The following SCYL2 variants were observed in gnomAD, a reference collection of about 807,000 sequenced individuals.
SCYL2 encodes SCY1-like protein 2.
A neutral mutation model predicts 100.4 loss-of-function variants in SCYL2; 36 were observed. That is an observed-to-expected ratio of 0.36 (90% CI 0.27 to 0.47). SCYL2 has a LOEUF of 0.47. SCYL2 is among the 20% of genes least tolerant of loss of function. The probability of loss-of-function intolerance (pLI) is 1.00; values close to 1 mark genes in which losing one functional copy is unlikely to be tolerated. For missense variants in SCYL2, 902 were observed against 1,083.9 expected, an observed-to-expected ratio of 0.83 and a Z score of 2.36; for synonymous variants, 330 against 359.2, an observed-to-expected ratio of 0.92 and a Z score of 0.92.
intron 13 of SCYL2, 63 bp downstream of exon 13, chr12:100,329,382 A>G: frequency 6.7e-6 from 5 of 743,108 alleles, no homozygotes; most frequent in Non-Finnish European, 1.2e-5. Context: ...CATTAGATAT[A>G]TAAATATATT....
At chr12:100,318,453 C>T (rs1394327390) in intron 10 of SCYL2, among the ~76,000 whole-genome samples, 2 of 151,682 alleles carry the variant, frequency 1.3e-5, no homozygotes, top group South Asian at 2.1e-4. Flanking sequence ...GCCTCAGCCT[C>T]CCTAGTAGCT....
chr12:100,325,846 A>G (rs888776107), intron 11 of SCYL2, among the ~76,000 whole-genome samples: 2 of 152,134 alleles, frequency 1.3e-5, no homozygotes, highest in African/African-American at 4.8e-5. Flanking sequence ...AATTTATAAT[A>G]TCTCTTGTGT....
intron 3 of SCYL2, among the ~76,000 whole-genome samples, chr12:100,293,181 TC>T (rs2096312565): frequency 6.6e-6 from 1 of 152,034 alleles, no homozygotes; most frequent in Admixed American, 6.6e-5. Context: ...TGCCTTGGAC[TC>T]CCGAGCTTGT....
At chr12:100,274,625 C>A (rs1167081499) in intron 1 of SCYL2, among the ~76,000 whole-genome samples, 4 of 152,146 alleles carry the variant, frequency 2.6e-5, no homozygotes, top group Non-Finnish European at 5.9e-5. Flanking sequence ...CCCCCTCCTC[C>A]CACAAAATTT....
chr12:100,333,130 T>A (rs1341223332), intron 13 of SCYL2, among the ~76,000 whole-genome samples: 1 of 152,104 alleles, frequency 6.6e-6, no homozygotes, highest in Non-Finnish European at 1.5e-5. Context: ...TGTGTTAGTA[T>A]ACTTCAATAA....
chr12:100,285,758 C>T (rs2096303825), intron 2 of SCYL2, among the ~76,000 whole-genome samples: 1 of 152,124 alleles, frequency 6.6e-6, no homozygotes, highest in South Asian at 2.1e-4. Flanking sequence ...TTCATGTTTT[C>T]AGGCTTAAAA....
chr12:100,270,010 G>A (rs1188727762), intron 1 of SCYL2, among the ~76,000 whole-genome samples: 3 of 149,416 alleles, frequency 2.0e-5, no homozygotes, highest in South Asian at 2.1e-4. Context: ...TTTGTGAGAC[G>A]GAGTGTCACT....
intron 13 of SCYL2, among the ~76,000 whole-genome samples, chr12:100,330,833 T>TG (rs1952200310): frequency 6.7e-6 from 1 of 148,590 alleles, no homozygotes; most frequent in South Asian, 2.1e-4. Context: ...TTTTTTTCTT[T>TG]TTTTTTTTTT....
Position 100,334,198 on chromosome 12 carries a change from G to A in SCYL2, c.1794G>A (p.Met598Ile). The A allele has an allele frequency of 1.9e-6, 3 of 1,603,666 alleles. No individual in the cohort carries two copies. Among genetic ancestry groups the A allele is most frequent in the Non-Finnish European group, 2.6e-6 (3 of 1,173,874 alleles). ...FNSFISVIKE[M>I]LNRLESEHKT... ...CTTTCATTTCCGTCATAAAAGAAAT[G>A]CTTAATAGATTGGAGTCTGAACATA... The change falls in exon 14 of 18, where the codon ATG becomes ATA. Residue 598 changes from methionine (M) to isoleucine (I), a missense_variant. Transcript: ENST00000360820.
intron 2 of SCYL2, among the ~76,000 whole-genome samples, chr12:100,285,392 T>C (rs532017404): frequency 6.6e-5 from 10 of 152,378 alleles, no homozygotes; most frequent in Middle Eastern, 6.8e-3. Context: ...TGATAGAGTA[T>C]AGCTGTAGAC....
At position 100,317,835 on chromosome 12, in the gene SCYL2, G is replaced by A. The variant is rs1274660527; in HGVS notation, c.1305G>A (p.Leu435=). 1 of 1,604,668 alleles carries A rather than the reference G, an allele frequency of 6.2e-7. No homozygotes were observed. Among genetic ancestry groups the A allele is most frequent in the Non-Finnish European group, 8.5e-7 (1 of 1,178,116 alleles). The change falls in exon 10 of 18, where the codon TTG becomes TTA. Residue 435 remains leucine (L), a synonymous_variant. Transcript: ENST00000360820. ...TAATTTTCCTACAAAAAATGGATTT[G>A]CTACTAACCAAAACCCCTCCTGATG... The part of the protein sequence containing the change: ...ILLIFLQKMD[L]LLTKTPPDEI...
rs2135943912 is a variant in SCYL2 at position 100,335,886 on chromosome 12, T to G, written c.2005T>G (p.Leu669Val). Reference protein sequence around the residue: ...GSESENKEDGLQNKHKRASLT... With the variant: ...GSESENKEDGVQNKHKRASLT... ...TGAGTCCGAAAATAAAGAGGACGGGTTACAGAATAAACATAAAAGAGTGAG... is the reference window on the plus strand; with the variant it reads ...TGAGTCCGAAAATAAAGAGGACGGGGTACAGAATAAACATAAAAGAGTGAG... The change falls in exon 16 of 18, where the codon TTA becomes GTA. Residue 669 changes from leucine (L) to valine (V), a missense_variant. Coordinates refer to ENST00000360820, the MANE Select transcript of SCYL2 (RefSeq NM_017988.6). 6.2e-7 allele frequency: 1 copy of G among 1,612,620 alleles called. No individual in the cohort carries two copies. Among genetic ancestry groups the G allele is most frequent in the Middle Eastern group, 1.7e-4 (1 of 6,036 alleles).
intron 3 of SCYL2, among the ~76,000 whole-genome samples, chr12:100,294,821 C>A (rs1252762751): frequency 1.3e-5 from 2 of 148,348 alleles, no homozygotes; most frequent in African/African-American, 2.5e-5. Context: ...CCCTCCCGGA[C>A]GGGGTGGCTG....
Position 100,298,124 on chromosome 12 carries a change from C to T in SCYL2, c.429C>T (p.Asp143=). 1 of 1,602,802 alleles carries T rather than the reference C, an allele frequency of 6.2e-7. No individual in the cohort carries two copies. The highest frequency in any genetic ancestry group is 8.5e-7 in the Non-Finnish European group (1 of 1,172,692). The change falls in exon 4 of 18, where the codon GAC becomes GAT. Residue 143 remains aspartate (D), a synonymous_variant. Transcript: ENST00000360820. ...WENLPSPISP[D]IKDYKLYDVE... is the part of the protein sequence containing the mutation. The stretch of plus-strand genomic sequence containing the variant: ...ATCTACCTTCCCCTATATCTCCAGA[C>T]ATTAAGGATTATAAACTTTATGATG...
rs11110329 is a variant in SCYL2 at position 100,287,578 on chromosome 12, A to G, written c.178-3925A>G. 3.6e-3 allele frequency among the ~76,000 whole-genome samples: 543 copies of G among 152,314 alleles called. 7 individuals carry two copies. The highest frequency in any genetic ancestry group is 0.012 in the African/African-American group (510 of 41,582). The stretch of plus-strand genomic sequence containing the variant: ...TAGCCTTTTTTGTTTAAATTAGGCT[A>G]TTGAGAAAAAATACTTTTTAGTAAG... On this transcript the variant is annotated intron_variant, in intron 2 of 17. Coordinates refer to ENST00000360820, the MANE Select transcript of SCYL2 (RefSeq NM_017988.6).
intron 4 of SCYL2, among the ~76,000 whole-genome samples, chr12:100,301,055 G>GT (rs1202673689): frequency 5.3e-5 from 8 of 152,148 alleles, no homozygotes; most frequent in Non-Finnish European, 1.0e-4. Flanking sequence ...TCAAATTTTA[G>GT]TTTTTTGAAG....
At chr12:100,334,624 CTTCTAGTG>C (rs373355484) in intron 14 of SCYL2, among the ~76,000 whole-genome samples, 1 of 152,018 alleles carries the variant, frequency 6.6e-6, no homozygotes, top group East Asian at 1.9e-4. Flanking sequence ...AATTTATGAA[CTTCTAGTG>C]TTTTGATTTT....
At chr12:100,294,389 C>A (rs2096314983) in intron 3 of SCYL2, among the ~76,000 whole-genome samples, 2 of 122,106 alleles carry the variant, frequency 1.6e-5, no homozygotes, top group African/African-American at 6.2e-5. Flanking sequence ...GGGGCTGACC[C>A]CCCCACCTCC....
chr12:100,328,392 G>A (rs919004823), intron 12 of SCYL2, among the ~76,000 whole-genome samples: 5 of 152,216 alleles, frequency 3.3e-5, no homozygotes, highest in African/African-American at 1.2e-4. Context: ...ATCCAATGAG[G>A]ATGAGACTAA....
Sources: gnomAD v4.1 joint callset for allele counts (sites outside exome capture counted in the v4.1 genomes callset) on GRCh38, gnomAD v4.1.1 for gene constraint, MANE v1.5 for transcripts, NCBI Gene and HGNC (gene_info 2026-07-23, HGNC 2026-07-21) for gene names.